Variants in AGO2 observed in about 807,000 individuals in gnomAD.
The protein encoded by AGO2 is argonaute RISC catalytic component 2.
A neutral mutation model predicts 102.3 loss-of-function variants in AGO2; 5 were observed. The observed-to-expected ratio is 0.05, with a 90% CI of 0.03 to 0.10. AGO2 has a LOEUF of 0.10. AGO2 is among the 10% of genes least tolerant of loss of function. The pLI is 1.00. For synonymous variants in AGO2, 449 were observed against 473.1 expected (o/e 0.95, Z 0.66); for missense variants, 541 against 1,183.7 (o/e 0.46, Z 7.97).
At chr8:140,588,524 A>G (rs945418678) in intron 1 of AGO2, among the ~76,000 whole-genome samples, 9 of 146,380 alleles carry the variant, frequency 6.1e-5, no homozygotes, top group African/African-American at 2.2e-4. Flanking sequence ...ATGGCGCCAA[A>G]AGAGTTCCTC....
intron 1 of AGO2, among the ~76,000 whole-genome samples, chr8:140,595,755 GTATATACAATTATAT>G (rs1472104226): frequency 2.2e-5 from 1 of 45,050 alleles, no homozygotes; most frequent in Non-Finnish European, 5.8e-5. Flanking sequence ...ATATATAATT[GTATATACAATTATAT>G]TATATACAAT....
chr8:140,590,111 C>T (rs900085677), intron 1 of AGO2, among the ~76,000 whole-genome samples: 15 of 152,200 alleles, frequency 9.9e-5, no homozygotes, highest in African/African-American at 2.4e-4. Flanking sequence ...AATGAGCCCA[C>T]GGTGAGCCGA....
intron 3 of AGO2, among the ~76,000 whole-genome samples, chr8:140,568,464 G>A (rs1007524251): frequency 1.3e-5 from 2 of 152,300 alleles, no homozygotes; most frequent in Admixed American, 6.5e-5. Context: ...CACTGCAGGC[G>A]TGGCATGTCT....
intron 12 of AGO2, 71 bp from the exon 13 acceptor site, chr8:140,547,698 G>A: frequency 1.9e-6 from 3 of 1,546,442 alleles, no homozygotes; most frequent in Non-Finnish European, 2.6e-6. Context: ...AGCAGCAGCT[G>A]CCACCAGCCC....
In AGO2 at chr8:140,539,088, G is replaced by A. The variant is rs2072747808; in HGVS notation, c.2169+232C>T. Among the ~76,000 whole-genome samples, 1 of 152,172 alleles carries A rather than the reference G, an allele frequency of 6.6e-6. No homozygotes were observed. Among genetic ancestry groups the A allele is most frequent in the Non-Finnish European group, 1.5e-5 (1 of 68,032 alleles). ...ACTGCACTCTAGCCTGGGTGACAGA[G>A]CCAGACCCCATCTTAAAACCCTCCA... On this transcript the variant is annotated intron_variant, in intron 16 of 18. Coordinates refer to ENST00000220592, the MANE Select transcript of AGO2 (RefSeq NM_012154.5). The surrounding 1 kb of genome is among the most constrained non-coding windows in gnomAD (Gnocchi z 4.7).
upstream of AGO2, among the ~76,000 whole-genome samples, chr8:140,639,389 G>A (rs1371033923): frequency 2.0e-5 from 3 of 151,870 alleles, no homozygotes; most frequent in Non-Finnish European, 2.9e-5. Context: ...GCTGAGGCAG[G>A]AGAATCACTT....
upstream of AGO2, among the ~76,000 whole-genome samples, chr8:140,639,243 A>T (rs1343664663): frequency 1.3e-5 from 2 of 152,020 alleles, no homozygotes; most frequent in Non-Finnish European, 2.9e-5. Flanking sequence ...GCACTTTGGG[A>T]GGCCAAGGCA....
At chr8:140,606,298 G>A (rs2073997469) in intron 1 of AGO2, among the ~76,000 whole-genome samples, 1 of 152,194 alleles carries the variant, frequency 6.6e-6, no homozygotes, top group South Asian at 2.1e-4. Flanking sequence ...GAGCATGGAG[G>A]CCCCACCTAC....
intron 2 of AGO2, among the ~76,000 whole-genome samples, chr8:140,581,387 G>A (rs972631842): frequency 1.9e-4 from 29 of 152,214 alleles, no homozygotes; most frequent in African/African-American, 6.8e-4. Context: ...GGTGGCGCAT[G>A]CCTGCAATCC....
chr8:140,562,991 C>T (rs753460565), intron 3 of AGO2, among the ~76,000 whole-genome samples: 37 of 152,152 alleles, frequency 2.4e-4, no homozygotes, highest in Non-Finnish European at 3.8e-4. Flanking sequence ...TTGCACCTAA[C>T]GCCAGATCAT....
At chr8:140,598,653 G>A (rs528274783) in intron 1 of AGO2, among the ~76,000 whole-genome samples, 5 of 152,330 alleles carry the variant, frequency 3.3e-5, no homozygotes, top group East Asian at 1.9e-4. Context: ...AGGAGGAAGC[G>A]CGTGCTGGCT....
At chr8:140,573,044 T>C (rs2073408823) in intron 2 of AGO2, 112 bp from the exon 3 acceptor site, 1 of 1,333,304 alleles carries the variant, frequency 7.5e-7, no homozygotes, top group Non-Finnish European at 1.0e-6. Flanking sequence ...AGTCTTGCTC[T>C]TGTGGCCCAG....
chr8:140,520,756 C>T lies in AGO2; in HGVS notation c.*11288G>A, dbSNP rs577787184. On this transcript the variant is annotated 3_prime_UTR_variant, in exon 19 of 19. Transcript: ENST00000220592. The stretch of plus-strand genomic sequence containing the variant: ...TTGAGCTTAGAAATAAGTTATCCAA[C>T]CTCTTGATGACATGGAGAAATGAAT... The T allele has an allele frequency of 2.0e-5, 3 of 150,910 alleles. No homozygotes were observed. Among genetic ancestry groups the T allele is most frequent in the Admixed American group, 6.6e-5 (1 of 15,170 alleles). The allele number at this position is 150,910 out of a possible 1,614,324, so 9.3% of individuals were successfully genotyped here.
chr8:140,607,373 C>T (rs1218771214), intron 1 of AGO2, among the ~76,000 whole-genome samples: 1 of 150,976 alleles, frequency 6.6e-6, no homozygotes, highest in Non-Finnish European at 1.5e-5. Flanking sequence ...CTGTAGTGTG[C>T]TATGACTGTA....
chr8:140,596,051 G>T (rs1207904731), intron 1 of AGO2, among the ~76,000 whole-genome samples: 1 of 143,254 alleles, frequency 7.0e-6, no homozygotes, highest in East Asian at 2.0e-4. Context: ...GCCCTCCTGT[G>T]TTGTCCAGAC....
intron 7 of AGO2, 112 bp downstream of exon 7, chr8:140,558,373 C>T (rs2073136176): frequency 1.7e-6 from 2 of 1,173,302 alleles, no homozygotes. Flanking sequence ...TGAAAAACAG[C>T]ATGAAATGGT....
intron 11 of AGO2, among the ~76,000 whole-genome samples, chr8:140,550,710 G>A (rs961143971): frequency 2.0e-5 from 3 of 152,082 alleles, no homozygotes; most frequent in East Asian, 1.9e-4. Context: ...TCCACCTCCC[G>A]GGTTCAAGCG....
At chr8:140,595,832 TACA>T (rs2073824547) in intron 1 of AGO2, among the ~76,000 whole-genome samples, 1 of 110,940 alleles carries the variant, frequency 9.0e-6, no homozygotes, top group Non-Finnish European at 1.7e-5. Context: ...TTATATTATA[TACA>T]ATTGTATATA....
chr8:140,560,298 C>A lies in AGO2; in HGVS notation c.655+76G>T, dbSNP rs988355623. ...CATGCGTGGAGCTGGCCACATGCCA[C>A]CCCCCGACCGGGGTCCTGACCCCCC... On this transcript the variant is annotated intron_variant, in intron 5 of 18. Transcript: ENST00000220592. 15 of 1,553,444 alleles carry A rather than the reference C, an allele frequency of 9.7e-6. No individual in the cohort carries two copies. In the East Asian group the frequency reaches 2.3e-4, roughly 24 times the overall value.
Sources: gnomAD v4.1 joint callset for allele counts (sites outside exome capture counted in the v4.1 genomes callset) on GRCh38, gnomAD v4.1.1 for gene constraint, Gnocchi (gnomAD v3.1) non-coding constraint, MANE v1.5 for transcripts, NCBI Gene and HGNC (gene_info 2026-07-23, HGNC 2026-07-21) for gene names.